Variants in RARB observed in about 807,000 individuals in gnomAD.
RARB encodes HBV-activated protein.
Under a neutral mutation model 51.9 loss-of-function variants are expected in RARB, and 17 were observed. The ratio of observed to expected loss-of-function variants is 0.33; its 90% CI spans 0.22 to 0.49. RARB has a LOEUF of 0.49. Among genes scored for constraint, RARB ranks in the 20% least tolerant of loss-of-function variants. The pLI is 0.99. For synonymous variants in RARB, 215 were observed against 195.4 expected (o/e 1.10, Z -0.84); for missense variants, 369 against 550.8 (o/e 0.67, Z 3.30).
At chr3:25,363,284 G>T (rs1484033941) in intron 5 of RARB, among the ~76,000 whole-genome samples, 4 of 152,124 alleles carry the variant, frequency 2.6e-5, no homozygotes, top group African/African-American at 9.7e-5. Context: ...GGCTCTCCAT[G>T]ATATCTATAA....
chr3:25,497,950 G>C (rs1236902983), intron 2 of RARB, among the ~76,000 whole-genome samples: 1 of 152,090 alleles, frequency 6.6e-6, no homozygotes, highest in Non-Finnish European at 1.5e-5. Flanking sequence ...TCCTCAAACA[G>C]AAAATCTTGA....
chr3:25,584,864 G>T (rs1193318390), intron 5 of RARB, among the ~76,000 whole-genome samples: 2 of 152,100 alleles, frequency 1.3e-5, no homozygotes, highest in African/African-American at 4.8e-5. Context: ...AGAGTGGAGG[G>T]TCCCTGCCCT....
chr3:24,961,111 C>G (rs1331851719), intron 2 of RARB, among the ~76,000 whole-genome samples: 3 of 152,092 alleles, frequency 2.0e-5, no homozygotes, highest in African/African-American at 7.2e-5. Context: ...AAGAACTGTT[C>G]TGTCATTATA....
intron 2 of RARB, among the ~76,000 whole-genome samples, chr3:25,030,845 T>C (rs1240390688): frequency 6.6e-6 from 1 of 152,198 alleles, no homozygotes; most frequent in African/African-American, 2.4e-5. Flanking sequence ...TTTTCTAGTT[T>C]GTCCTCAGCT....
intron 5 of RARB, among the ~76,000 whole-genome samples, chr3:25,369,879 G>A (rs1706246412): frequency 6.6e-6 from 1 of 151,960 alleles, no homozygotes; most frequent in Non-Finnish European, 1.5e-5. Context: ...CCAAGATCGT[G>A]CCATTGCACT....
At chr3:25,494,253 G>GCGCGCGCACTCACACACACACA (rs1553623183) in intron 2 of RARB, among the ~76,000 whole-genome samples, 45 of 131,968 alleles carry the variant, frequency 3.4e-4, no homozygotes, top group African/African-American at 1.0e-3. Flanking sequence ...TGTATCTTAC[G>GCGCGCGCACTCACACACACACA]CACACACACA....
chr3:25,515,006 AT>A (rs1157071549), intron 3 of RARB, among the ~76,000 whole-genome samples: 1 of 152,150 alleles, frequency 6.6e-6, no homozygotes, highest in East Asian at 1.9e-4. Flanking sequence ...CCCTACTCTA[AT>A]GGATGCAGTG....
At chr3:24,987,869 A>G (rs904842634) in intron 2 of RARB, among the ~76,000 whole-genome samples, 4 of 152,236 alleles carry the variant, frequency 2.6e-5, no homozygotes, top group South Asian at 2.1e-4. Context: ...GCACAATTAC[A>G]TATACGCATA....
intron 2 of RARB, among the ~76,000 whole-genome samples, chr3:24,992,686 C>T (rs1696937855): frequency 6.6e-6 from 1 of 151,710 alleles, no homozygotes; most frequent in South Asian, 2.1e-4. Flanking sequence ...TATAGATGGC[C>T]ATCTCCCCCC....
chr3:24,851,468 T>C (rs576914125), intron 1 of RARB, among the ~76,000 whole-genome samples: 2 of 150,276 alleles, frequency 1.3e-5, no homozygotes, highest in South Asian at 4.3e-4. Context: ...GATTAGGTGA[T>C]AAGTTAAAGA....
intron 2 of RARB, among the ~76,000 whole-genome samples, chr3:24,970,261 AG>A (rs552894883): frequency 7.2e-5 from 11 of 152,216 alleles, no homozygotes; most frequent in African/African-American, 2.6e-4. Context: ...AGCAAAGCAA[AG>A]AACGTGTATT....
chr3:25,146,511 G>GTTTTTTT (rs1197635626), intron 4 of RARB, among the ~76,000 whole-genome samples: 1 of 134,522 alleles, frequency 7.4e-6, no homozygotes, highest in African/African-American at 2.7e-5. Flanking sequence ...TTGTTTGTTT[G>GTTTTTTT]TTTTTTTTTT....
intron 4 of RARB, among the ~76,000 whole-genome samples, chr3:25,135,698 C>A (rs1451441481): frequency 2.0e-5 from 3 of 151,782 alleles, no homozygotes; most frequent in Non-Finnish European, 4.4e-5. Context: ...TTTTTAAAAG[C>A]AAGTAGTGCA....
Position 25,175,402 on chromosome 3 carries a change from G to T in RARB, c.178+827G>T, listed in dbSNP as rs181540717. The stretch of plus-strand genomic sequence containing the variant: ...GTCCTTTCTGGCTCATAGAGCAACA[G>T]TTCTTTGTAACTCTTCCTGGTGATT... On this transcript the variant is annotated intron_variant, in intron 5 of 11. Coordinates refer to the RARB transcript ENST00000383772. 2.0e-5 allele frequency among the ~76,000 whole-genome samples: 3 copies of T among 152,304 alleles called. No individual in the cohort carries two copies. In the East Asian group the frequency reaches 5.8e-4, roughly 29 times the overall value.
chr3:25,249,600 C>T (rs1292956632), intron 5 of RARB, among the ~76,000 whole-genome samples: 1 of 149,810 alleles, frequency 6.7e-6, no homozygotes, highest in African/African-American at 2.5e-5. Context: ...AGGAGGTTTT[C>T]CTGAAGAGGT....
intron 1 of RARB, chr3:25,458,463 C>T (rs888325219): frequency 1.3e-5 from 2 of 152,176 alleles, no homozygotes; most frequent in African/African-American, 4.8e-5. Flanking sequence ...CTAATTTTAA[C>T]AAGCAGTGTT....
intron 5 of RARB, among the ~76,000 whole-genome samples, chr3:25,194,674 C>A (rs1171379844): frequency 6.6e-6 from 1 of 151,160 alleles, no homozygotes. Context: ...TCTCCAATTC[C>A]CAATGCACTG....
chr3:25,313,798 G>C (rs1704349085), intron 5 of RARB, among the ~76,000 whole-genome samples: 1 of 152,164 alleles, frequency 6.6e-6, no homozygotes, highest in Non-Finnish European at 1.5e-5. Flanking sequence ...GTCCAGGCGT[G>C]GTGGTTCACA....
At chr3:25,295,956 CT>C (rs1703906253) in intron 5 of RARB, among the ~76,000 whole-genome samples, 1 of 152,142 alleles carries the variant, frequency 6.6e-6, no homozygotes, top group Non-Finnish European at 1.5e-5. Flanking sequence ...GAAAAGGGAG[CT>C]TTGCCTCACA....
Sources: gnomAD v4.1 joint callset for allele counts (sites outside exome capture counted in the v4.1 genomes callset) on GRCh38, gnomAD v4.1.1 for gene constraint, MANE v1.5 for transcripts, NCBI Gene and HGNC (gene_info 2026-07-23, HGNC 2026-07-21) for gene names.